Variants in ANKH observed in about 807,000 individuals in gnomAD.
ANKH encodes ANKH inorganic pyrophosphate transport regulator.
In ANKH, 15 loss-of-function variants were observed where a neutral mutation model predicts 49.0. The ratio of observed to expected loss-of-function variants is 0.31; its 90% CI spans 0.20 to 0.47. The LOEUF (loss-of-function observed/expected upper bound fraction) is 0.47. Among genes scored for constraint, ANKH ranks in the 20% least tolerant of loss-of-function variants. The pLI is 1.00. For missense variants in ANKH, 429 were observed against 652.0 expected, an observed-to-expected ratio of 0.66 and a Z score of 3.72; for synonymous variants, 273 against 260.0, an observed-to-expected ratio of 1.05 and a Z score of -0.48.
intron 1 of ANKH, among the ~76,000 whole-genome samples, chr5:14,855,880 A>G (rs985621405): frequency 1.3e-5 from 2 of 151,096 alleles, no homozygotes; most frequent in African/African-American, 4.9e-5. Flanking sequence ...GCTGATACAC[A>G]TGCTGTAAAA....
At chr5:14,867,272 T>G (rs1169761951) in intron 1 of ANKH, among the ~76,000 whole-genome samples, 1 of 152,034 alleles carries the variant, frequency 6.6e-6, no homozygotes, top group Non-Finnish European at 1.5e-5. Flanking sequence ...CAGGTGGGTA[T>G]GGGCTTGAAC....
chr5:14,854,491 A>G (rs1742202577), intron 1 of ANKH, among the ~76,000 whole-genome samples: 1 of 152,126 alleles, frequency 6.6e-6, no homozygotes, highest in South Asian at 2.1e-4. Flanking sequence ...ACTAGCCTGG[A>G]CAACATACCA....
Position 14,745,239 on chromosome 5 carries a change from T to A in ANKH, c.915+631A>T, listed in dbSNP as rs564283576. Reference sequence around the variant, plus strand: ...GTTTTAGAGTATTAAAAAAAGTCTATAGGTTTAAATGATAACGCTATAAAA... The same window carrying A: ...GTTTTAGAGTATTAAAAAAAGTCTAAAGGTTTAAATGATAACGCTATAAAA... On this transcript the variant is annotated intron_variant, in intron 7 of 11. Transcript: ENST00000284268. The surrounding 1 kb of genome is among the most constrained non-coding windows in gnomAD (Gnocchi z 4.7). Among the ~76,000 whole-genome samples the A allele has an allele frequency of 2.6e-5, 4 of 152,168 alleles. No individual in the cohort carries two copies. The highest frequency in any genetic ancestry group is 1.3e-4 in the Admixed American group (2 of 15,282).
chr5:14,754,153 A>G (rs1580039723), intron 4 of ANKH, among the ~76,000 whole-genome samples: 1 of 152,188 alleles, frequency 6.6e-6, no homozygotes, highest in Admixed American at 6.5e-5. Context: ...CCACGCTCCC[A>G]CTAACCAGAT....
rs1371008707 is a variant in ANKH at position 14,711,168 on chromosome 5, T to C, written c.*29A>G. On this transcript the variant is annotated 3_prime_UTR_variant, in exon 12 of 12. Coordinates refer to ENST00000284268, the MANE Select transcript of ANKH (RefSeq NM_054027.6). ...GCCGAAGTGTCATCCTGACTGACTG[T>C]CCCTGCAGTGCCCATGGCGTCCCGT... 1 of 1,540,686 alleles carries C rather than the reference T, an allele frequency of 6.5e-7. No homozygotes were observed. The highest frequency in any genetic ancestry group is 1.7e-4 in the Middle Eastern group (1 of 5,950).
chr5:14,769,391 A>G (rs1246814103), intron 1 of ANKH, among the ~76,000 whole-genome samples, 200 bp from the exon 2 acceptor site: 1 of 152,176 alleles, frequency 6.6e-6, no homozygotes, highest in Non-Finnish European at 1.5e-5. Flanking sequence ...TCTTTTTGTG[A>G]AGGAGATACC....
At chr5:14,819,468 G>A (rs567633647) in intron 1 of ANKH, among the ~76,000 whole-genome samples, 22 of 152,302 alleles carry the variant, frequency 1.4e-4, no homozygotes, top group African/African-American at 5.1e-4. Context: ...AAAGTGGTTC[G>A]ATAATGTTAC....
chr5:14,795,421 A>T (rs953681657), intron 1 of ANKH, among the ~76,000 whole-genome samples: 4 of 152,232 alleles, frequency 2.6e-5, no homozygotes, highest in Non-Finnish European at 5.9e-5. Flanking sequence ...TCTTAAACTC[A>T]TCTTAAGTTA....
At chr5:14,766,239 T>C (rs1049869575) in intron 2 of ANKH, among the ~76,000 whole-genome samples, 1 of 146,012 alleles carries the variant, frequency 6.8e-6, no homozygotes, top group Non-Finnish European at 1.5e-5. Context: ...AAAAAAAAAA[T>C]ATAAAAATTA....
At chr5:14,747,487 G>A (rs1434828047) in intron 6 of ANKH, among the ~76,000 whole-genome samples, 1 of 152,150 alleles carries the variant, frequency 6.6e-6, no homozygotes, top group African/African-American at 2.4e-5. Context: ...TTGAGCCCAG[G>A]AGATTGAGGC....
chr5:14,798,217 T>C, intron 1 of ANKH: 1 of 1,596,816 alleles, frequency 6.3e-7, no homozygotes, highest in Non-Finnish European at 8.6e-7. Context: ...CGATGAAGGC[T>C]GAAATCTTTC....
intron 1 of ANKH, among the ~76,000 whole-genome samples, chr5:14,820,968 G>A (rs969519119): frequency 3.3e-5 from 5 of 152,016 alleles, no homozygotes; most frequent in African/African-American, 1.2e-4. Flanking sequence ...GGGTGGTGGT[G>A]ACACTGTAGT....
At position 14,719,560 on chromosome 5, in the gene ANKH, T is replaced by C. The variant is rs111945542; in HGVS notation, c.1012-2725A>G. Among the ~76,000 whole-genome samples the C allele has an allele frequency of 3.7e-3, 557 of 152,316 alleles. 3 individuals are homozygous for C. The highest frequency in any genetic ancestry group is 0.013 in the African/African-American group (531 of 41,546). ...TGTGCTTGAATACTTGAAAAGCGAT[T>C]TACACCACGAAGGGAAAATGTGGGA... On this transcript the variant is annotated intron_variant, in intron 8 of 11. Coordinates refer to ENST00000284268, the MANE Select transcript of ANKH (RefSeq NM_054027.6).
chr5:14,859,670 G>A (rs1041702776), intron 1 of ANKH, among the ~76,000 whole-genome samples: 1 of 152,198 alleles, frequency 6.6e-6, no homozygotes, highest in Admixed American at 6.5e-5. Context: ...GGTTGACTAG[G>A]AAGACTGCAA....
chr5:14,767,440 C>T (rs1484273001), intron 2 of ANKH, among the ~76,000 whole-genome samples: 2 of 152,112 alleles, frequency 1.3e-5, no homozygotes, highest in African/African-American at 4.8e-5. Context: ...AGTATAAAAA[C>T]TAATAATGAT....
Position 14,706,955 on chromosome 5 carries a change from A to G in ANKH, c.*4242T>C, listed in dbSNP as rs1736964659. ...AACCGGCTGAATGTGCAATGCAGACATCTCAACACTCCACGTCTTTCAAAG... is the reference window on the plus strand; with the variant it reads ...AACCGGCTGAATGTGCAATGCAGACGTCTCAACACTCCACGTCTTTCAAAG... On this transcript the variant is annotated 3_prime_UTR_variant, in exon 12 of 12. Transcript: ENST00000284268. The G allele has an allele frequency of 6.6e-6, 1 of 152,252 alleles. No individual in the cohort carries two copies. The highest frequency in any genetic ancestry group is 1.5e-5 in the Non-Finnish European group (1 of 68,052). 9.4% of individuals were successfully genotyped at this position (152,252 alleles called of 1,614,324 possible).
Position 14,871,511 on chromosome 5 carries a change from AGGGGCG to A in ANKH, c.-70_-65del. The A allele has an allele frequency of 4.3e-6, 5 of 1,168,262 alleles. No homozygotes were observed. Among genetic ancestry groups the A allele is most frequent in the Non-Finnish European group, 6.0e-6 (5 of 836,444 alleles). The allele number at this position is 1,168,262 out of a possible 1,614,324, so 72.4% of individuals were successfully genotyped here. A position where few individuals can be genotyped will look rare whatever the true frequency, so the allele number is the denominator to read the frequency against. On this transcript the variant is annotated 5_prime_UTR_variant, in exon 1 of 12. Transcript: ENST00000284268. ...CGCGAGGGGACTCTGCGGGGAGGCGAGGGGCGACGGGGCGACGGGGCGAGCGGGGCG... is the reference window on the plus strand; with the variant it reads ...CGCGAGGGGACTCTGCGGGGAGGCGAACGGGGCGACGGGGCGAGCGGGGCG...
chr5:14,774,260 T>C (rs1739541053), intron 1 of ANKH, among the ~76,000 whole-genome samples: 1 of 152,204 alleles, frequency 6.6e-6, no homozygotes, highest in South Asian at 2.1e-4. Context: ...CCGCCATAGA[T>C]AGGATAAATT....
intron 1 of ANKH, among the ~76,000 whole-genome samples, chr5:14,838,976 C>T (rs1741739763): frequency 6.6e-6 from 1 of 152,184 alleles, no homozygotes; most frequent in Non-Finnish European, 1.5e-5. Context: ...TGACATTACA[C>T]TCCCTTCGAA....
Sources: gnomAD v4.1 joint callset for allele counts (sites outside exome capture counted in the v4.1 genomes callset) on GRCh38, gnomAD v4.1.1 for gene constraint, Gnocchi (gnomAD v3.1) non-coding constraint, MANE v1.5 for transcripts, NCBI Gene and HGNC (gene_info 2026-07-23, HGNC 2026-07-21) for gene names.